The following ITCH variants were observed in gnomAD, a reference collection of about 807,000 sequenced individuals.
ITCH encodes the protein itchy E3 ubiquitin protein ligase.
In ITCH, 28 loss-of-function variants were observed where a neutral mutation model predicts 126.8. The observed-to-expected ratio is 0.22, with a 90% CI of 0.16 to 0.30. The LOEUF is 0.30. Among genes scored for constraint, ITCH ranks in the 10% least tolerant of loss-of-function variants. The pLI is 1.00. For synonymous variants in ITCH, 342 were observed against 340.0 expected, an observed-to-expected ratio of 1.01 and a Z score of -0.06; for missense variants, 631 against 1,032.4, an observed-to-expected ratio of 0.61 and a Z score of 5.33.
chr20:34,380,476 T>C (rs962513482), intron 2 of ITCH, among the ~76,000 whole-genome samples: 3 of 152,148 alleles, frequency 2.0e-5, no homozygotes, highest in Non-Finnish European at 4.4e-5. Flanking sequence ...TCCACTTTGC[T>C]TGGGTTGTTT....
chr20:34,480,793 G>T, intron 19 of ITCH, 61 bp downstream of exon 19: 2 of 1,330,240 alleles, frequency 1.5e-6, no homozygotes, highest in South Asian at 1.3e-5. Flanking sequence ...GTGTAGTATT[G>T]ATAACTTATC....
At position 34,425,613 on chromosome 20, in the gene ITCH, G is replaced by A. The variant is rs182926409; in HGVS notation, c.521+1088G>A. ...GATATGCTGGCAGCAATACTGCTCTGTTACTCTTTGCTACAGTGAGATGTT... is the reference window on the plus strand; with the variant it reads ...GATATGCTGGCAGCAATACTGCTCTATTACTCTTTGCTACAGTGAGATGTT... On this transcript the variant is annotated intron_variant, in intron 7 of 24. Coordinates refer to ENST00000374864, the MANE Select transcript of ITCH (RefSeq NM_031483.7). Among the ~76,000 whole-genome samples the A allele has an allele frequency of 2.7e-4, 41 of 152,328 alleles. 1 individual carries two copies. In the East Asian group the frequency reaches 7.9e-3, roughly 29 times the overall value.
rs1990436747 is a variant in ITCH, at chr20:34,503,874, TTTTTTTTTTG to T, written c.2417-456_2417-447del. On this transcript the variant is annotated intron_variant, in intron 23 of 24. Coordinates refer to ENST00000374864, the MANE Select transcript of ITCH (RefSeq NM_031483.7). Reference sequence around the variant, plus strand: ...TTGGGTTTTTTTTTTTTTTTGGTTTTTTTTTTTTTGGTTTTTTTTTTTTTTGAGATAGGGT... The same window carrying T: ...TTGGGTTTTTTTTTTTTTTTGGTTTTGTTTTTTTTTTTTTTGAGATAGGGT... 8.0e-5 allele frequency among the ~76,000 whole-genome samples: 10 copies of T among 124,644 alleles called. 1 individual carries two copies. The highest frequency in any genetic ancestry group is 2.9e-4 in the African/African-American group (10 of 34,554). 81.8% of individuals were successfully genotyped at this position (124,644 alleles called of 152,430 possible).
chr20:34,444,584 T>C (rs1984198070), intron 10 of ITCH, among the ~76,000 whole-genome samples: 1 of 151,370 alleles, frequency 6.6e-6, no homozygotes, highest in East Asian at 1.9e-4. Context: ...GGAAACTCTG[T>C]CTCCAAAAAA....
intron 4 of ITCH, 95 bp from the exon 5 acceptor site, chr20:34,412,420 A>G: frequency 1.1e-6 from 1 of 936,888 alleles, no homozygotes; most frequent in East Asian, 2.6e-5. Context: ...TGCAGTGAGA[A>G]GACTTTAGAC....
chr20:34,408,228 G>C (rs749133147), intron 3 of ITCH, among the ~76,000 whole-genome samples: 3 of 151,994 alleles, frequency 2.0e-5, no homozygotes, highest in African/African-American at 4.8e-5. Context: ...ACACGCCACT[G>C]TGCCCAGCTA....
intron 17 of ITCH, among the ~76,000 whole-genome samples, chr20:34,478,300 G>T (rs923329783): frequency 2.0e-5 from 3 of 152,176 alleles, no homozygotes; most frequent in African/African-American, 7.2e-5. Flanking sequence ...TACTGATACA[G>T]GTAATAGTTA....
chr20:34,489,015 G>A (rs1366040309), intron 20 of ITCH, among the ~76,000 whole-genome samples: 1 of 152,154 alleles, frequency 6.6e-6, no homozygotes, highest in Non-Finnish European at 1.5e-5. Flanking sequence ...CTTCAGCTCA[G>A]GTGACAGAGT....
At chr20:34,372,111 C>T (rs2037654580) in intron 2 of ITCH, among the ~76,000 whole-genome samples, 1 of 151,684 alleles carries the variant, frequency 6.6e-6, no homozygotes, top group South Asian at 2.1e-4. Context: ...TCGAGACCAT[C>T]CTGACTAACA....
chr20:34,411,446 G>A (rs559979879), intron 4 of ITCH, among the ~76,000 whole-genome samples: 2 of 152,116 alleles, frequency 1.3e-5, no homozygotes, highest in East Asian at 1.9e-4. Context: ...GAGCCATTGC[G>A]CCTGGCCGAG....
intron 23 of ITCH, among the ~76,000 whole-genome samples, chr20:34,497,330 T>G (rs1989954574): frequency 1.3e-5 from 2 of 151,732 alleles, no homozygotes; most frequent in Non-Finnish European, 1.5e-5. Context: ...GAAAATCAGT[T>G]GGATGTAAAT....
At chr20:34,407,512 A>G (rs1007435762) in intron 3 of ITCH, among the ~76,000 whole-genome samples, 5 of 151,662 alleles carry the variant, frequency 3.3e-5, no homozygotes, top group Non-Finnish European at 7.4e-5. Context: ...CAGGTGATCC[A>G]CCCGCCTCAG....
chr20:34,415,343 G>C (rs1405724156), intron 6 of ITCH, among the ~76,000 whole-genome samples: 2 of 152,052 alleles, frequency 1.3e-5, no homozygotes, highest in African/African-American at 4.8e-5. Flanking sequence ...AGGGTTACTT[G>C]AGCCCAGGAG....
chr20:34,388,684 T>A (rs2038379202), intron 2 of ITCH, among the ~76,000 whole-genome samples: 1 of 152,240 alleles, frequency 6.6e-6, no homozygotes, highest in South Asian at 2.1e-4. Flanking sequence ...GACATCTTTC[T>A]TACTGAGACA....
At chr20:34,488,324 G>A (rs950600854) in intron 20 of ITCH, among the ~76,000 whole-genome samples, 4 of 151,694 alleles carry the variant, frequency 2.6e-5, no homozygotes, top group African/African-American at 9.7e-5. Context: ...TAGAATTCTA[G>A]GTTTATAAAA....
intron 3 of ITCH, among the ~76,000 whole-genome samples, chr20:34,394,891 T>C (rs1423702424): frequency 6.6e-6 from 1 of 152,048 alleles, no homozygotes; most frequent in Admixed American, 6.6e-5. Context: ...GCCCACAGAA[T>C]AGATAGTGGT....
chr20:34,371,680 A>T (rs975940938), intron 2 of ITCH, among the ~76,000 whole-genome samples: 9 of 152,214 alleles, frequency 5.9e-5, no homozygotes, highest in African/African-American at 2.2e-4. Context: ...AAGTATTATT[A>T]AAGTATTTAA....
intron 3 of ITCH, chr20:34,402,327 G>A: frequency 9.1e-7 from 1 of 1,095,944 alleles, no homozygotes; most frequent in Admixed American, 1.7e-5. Flanking sequence ...GCTTCTGTTT[G>A]TTCTTGGCAA....
chr20:34,400,646 CTTTTTTTTTTT>C (rs760416482), intron 3 of ITCH, among the ~76,000 whole-genome samples: 1 of 120,024 alleles, frequency 8.3e-6, no homozygotes, highest in Non-Finnish European at 1.7e-5. Context: ...AAAAATTTTT[CTTTTTTTTTTT>C]TTTTTTTTGA....
Sources: gnomAD v4.1 joint callset for allele counts (sites outside exome capture counted in the v4.1 genomes callset) on GRCh38, gnomAD v4.1.1 for gene constraint, MANE v1.5 for transcripts, NCBI Gene and HGNC (gene_info 2026-07-23, HGNC 2026-07-21) for gene names.